SMARCAL1: variants seen among roughly 807,000 people sequenced by gnomAD.
SMARCAL1 encodes ATP-driven annealing helicase.
SMARCAL1 carries 58 observed loss-of-function variants against 94.5 expected under a neutral mutation model. That is an observed-to-expected ratio of 0.61 (90% CI 0.50 to 0.76). SMARCAL1 has a LOEUF of 0.76. Among genes scored for constraint, SMARCAL1 ranks in the 30% least tolerant of loss-of-function variants. The pLI, the probability that SMARCAL1 is intolerant of heterozygous loss-of-function variation, is 0.00. For synonymous variants in SMARCAL1, 422 were observed against 455.1 expected (o/e 0.93, Z 0.93); for missense variants, 1,051 against 1,177.9 (o/e 0.89, Z 1.58).
At chr2:216,477,805 C>G (rs1311117641) in intron 16 of SMARCAL1, among the ~76,000 whole-genome samples, 1 of 152,106 alleles carries the variant, frequency 6.6e-6, no homozygotes, top group African/African-American at 2.4e-5. Flanking sequence ...CATTTGTTTC[C>G]ACTGCTTGTC....
intron 2 of SMARCAL1, 125 bp from the exon 3 acceptor site, chr2:216,414,522 T>A (rs1217977684): frequency 4.8e-6 from 3 of 628,118 alleles, no homozygotes; most frequent in South Asian, 3.9e-5. Flanking sequence ...TAAAAGAAAC[T>A]TTAATACATC....
At chr2:216,426,100 G>C (rs1161979008) in intron 6 of SMARCAL1, among the ~76,000 whole-genome samples, 1 of 152,216 alleles carries the variant, frequency 6.6e-6, no homozygotes, top group Non-Finnish European at 1.5e-5. Flanking sequence ...GGCCTCAAGT[G>C]ATCCTCCCAC....
At chr2:216,467,476 A>C (rs984752857) in intron 13 of SMARCAL1, among the ~76,000 whole-genome samples, 164 of 151,536 alleles carry the variant, frequency 1.1e-3, no homozygotes, top group African/African-American at 3.8e-3. Context: ...GTCTCAAAAA[A>C]AAAAAAAAAA....
chr2:216,435,529 A>T (rs1694062591), intron 9 of SMARCAL1, 33 bp downstream of exon 9: 22 of 1,587,404 alleles, frequency 1.4e-5, no homozygotes, highest in Non-Finnish European at 1.9e-5. Flanking sequence ...TAAGTACTTT[A>T]TCTCTCTGGA....
At position 216,432,822 on chromosome 2, in the gene SMARCAL1, C is replaced by T. The variant is rs758367100; in HGVS notation, c.1439C>T (p.Pro480Leu). The T allele has an allele frequency of 8.1e-6, 13 of 1,614,206 alleles. No homozygotes were observed. Among genetic ancestry groups the T allele is most frequent in the Non-Finnish European group, 7.6e-6 (9 of 1,180,048 alleles). The change falls in exon 8 of 18, where the codon CCG becomes CTG. Residue 480 changes from proline to leucine, a missense_variant. Pro to Leu is a moderately conservative substitution (Grantham distance 98, BLOSUM62 -3). Around this residue, in one of 3 missense-constraint regions of SMARCAL1, gnomAD observed 642 missense variants for 754.7 expected, o/e 0.85. Coordinates refer to ENST00000357276, the MANE Select transcript of SMARCAL1 (RefSeq NM_014140.4). ...CIAAFYRKEW[P>L]LLVVVPSSVR... ...GCAGCCTTTTACCGGAAGGAGTGGC[C>T]GCTCCTGGTGGTGGTGCCATCCTCC...
chr2:216,423,387 T>C (rs1358092877), intron 5 of SMARCAL1, among the ~76,000 whole-genome samples: 2 of 152,208 alleles, frequency 1.3e-5, no homozygotes, highest in African/African-American at 4.8e-5. Context: ...TGTGGCACCT[T>C]TTATCACAAC....
At chr2:216,449,256 T>C (rs1238282841) in intron 11 of SMARCAL1, among the ~76,000 whole-genome samples, 1 of 152,260 alleles carries the variant, frequency 6.6e-6, no homozygotes, top group African/African-American at 2.4e-5. Flanking sequence ...ATTTGGGGAT[T>C]ACTTTTCTAA....
At chr2:216,435,073 G>T (rs994753445) in intron 8 of SMARCAL1, among the ~76,000 whole-genome samples, 2 of 151,898 alleles carry the variant, frequency 1.3e-5, no homozygotes, top group Non-Finnish European at 2.9e-5. Flanking sequence ...GGTCAGCCTG[G>T]TCTCAAACTC....
At position 216,459,564 on chromosome 2, in the gene SMARCAL1, G is replaced by A. The variant is rs545050352; in HGVS notation, c.2071-5033G>A. ...CAACTATCTGATCCTTGACAAACCT[G>A]ACAAAAACAAGAAATGGGGAAAGGA... On this transcript the variant is annotated intron_variant, in intron 12 of 17. Coordinates refer to ENST00000357276, the MANE Select transcript of SMARCAL1 (RefSeq NM_014140.4). Among the ~76,000 whole-genome samples, 4 of 152,228 alleles carry A rather than the reference G, an allele frequency of 2.6e-5. No homozygotes were observed. The East Asian group carries it at 7.7e-4, about 29-fold the overall frequency.
chr2:216,424,084 G>A (rs7571087), intron 6 of SMARCAL1, among the ~76,000 whole-genome samples: 2,093 of 152,298 alleles, frequency 0.014, 46 homozygotes, highest in African/African-American at 0.048. Flanking sequence ...GAACTGGATG[G>A]GATGATCAAG....
chr2:216,470,683 CT>C (rs1401063870), intron 14 of SMARCAL1, among the ~76,000 whole-genome samples: 1 of 151,720 alleles, frequency 6.6e-6, no homozygotes, highest in African/African-American at 2.4e-5. Context: ...GAGACAGGGT[CT>C]TGCCATGTTG....
intron 17 of SMARCAL1, among the ~76,000 whole-genome samples, chr2:216,480,738 A>G (rs1158137826): frequency 6.6e-6 from 1 of 152,200 alleles, no homozygotes; most frequent in Middle Eastern, 3.2e-3. Context: ...TGGTTAAGGA[A>G]TAGTGAGGAA....
At chr2:216,439,120 G>T (rs1574460976) in intron 10 of SMARCAL1, among the ~76,000 whole-genome samples, 1 of 152,128 alleles carries the variant, frequency 6.6e-6, no homozygotes, top group East Asian at 1.9e-4. Context: ...CCCTGTGGTG[G>T]CCTAAACTCA....
At chr2:216,473,701 AAG>A (rs1319667768) in intron 14 of SMARCAL1, among the ~76,000 whole-genome samples, 1 of 152,216 alleles carries the variant, frequency 6.6e-6, no homozygotes, top group Non-Finnish European at 1.5e-5. Flanking sequence ...AGACAGGAAA[AAG>A]TAGATTGGTT....
At position 216,450,933 on chromosome 2, in the gene SMARCAL1, A is replaced by G. The variant is rs1224206892; in HGVS notation, c.1939A>G (p.Lys647Glu). The G allele has an allele frequency of 1.9e-6, 3 of 1,614,208 alleles. No homozygotes were observed. The highest frequency in any genetic ancestry group is 1.7e-5 in the Admixed American group (1 of 60,018). Reference sequence around the variant, plus strand: ...GGAAGCAGTCATGCTGCGGCGCCTCAAGTCCGACGTCCTTTCCCAGCTGCC... The same window carrying G: ...GGAAGCAGTCATGCTGCGGCGCCTCGAGTCCGACGTCCTTTCCCAGCTGCC... ...LEEAVMLRRL[K>E]SDVLSQLPAK... The change falls in exon 12 of 18, where the codon AAG (lysine) becomes GAG (glutamate). Residue 647 changes from lysine (K) to glutamate (E), a missense_variant. Physicochemically the swap from Lys to Glu is moderately conservative, Grantham distance 56. Coordinates refer to ENST00000357276, the MANE Select transcript of SMARCAL1 (RefSeq NM_014140.4).
intron 6 of SMARCAL1, among the ~76,000 whole-genome samples, chr2:216,425,498 A>G (rs1415297329): frequency 6.6e-6 from 1 of 151,986 alleles, no homozygotes; most frequent in Non-Finnish European, 1.5e-5. Context: ...AAAGGTTGCC[A>G]CTCTTCACTC....
At chr2:216,455,212 C>G (rs1341310523) in intron 12 of SMARCAL1, among the ~76,000 whole-genome samples, 1 of 152,008 alleles carries the variant, frequency 6.6e-6, no homozygotes, top group African/African-American at 2.4e-5. Context: ...GAAGCTCGAA[C>G]TGGGTGGAGC....
At chr2:216,468,192 A>G in intron 14 of SMARCAL1, 146 bp downstream of exon 14, 2 of 679,886 alleles carry the variant, frequency 2.9e-6, no homozygotes, top group South Asian at 3.1e-5. Context: ...TCTTGCTTGT[A>G]GAACCACAGT....
chr2:216,432,952 C>T (rs1054886115), intron 8 of SMARCAL1, 84 bp downstream of exon 8: 2 of 1,542,266 alleles, frequency 1.3e-6, no homozygotes. Context: ...CAGACAGGGC[C>T]TAGGGATCTT....
Sources: gnomAD v4.1 joint callset for allele counts (sites outside exome capture counted in the v4.1 genomes callset) on GRCh38, gnomAD v4.1.1 for gene constraint, gnomAD v4.1.1 regional missense constraint, MANE v1.5 for transcripts, NCBI Gene and HGNC (gene_info 2026-07-23, HGNC 2026-07-21) for gene names.